The following ULK4 variants were observed in gnomAD, a reference collection of about 807,000 sequenced individuals.
The protein encoded by ULK4 is unc-51 like kinase 4.
A neutral mutation model predicts 160.6 loss-of-function variants in ULK4; 133 were observed. The observed-to-expected ratio is 0.83, with a 90% CI of 0.72 to 0.96. The LOEUF (loss-of-function observed/expected upper bound fraction) is 0.96, where lower values mean the gene tolerates loss of function less well. Ranked by LOEUF, ULK4 falls within the 40% of genes least tolerant of loss-of-function variation. The probability of loss-of-function intolerance (pLI) is 0.00; values close to 1 mark genes in which losing one functional copy is unlikely to be tolerated. For missense variants in ULK4, 1,580 were observed against 1,499.5 expected (o/e 1.05, Z -0.89); for synonymous variants, 534 against 539.8 (o/e 0.99, Z 0.15).
intron 18 of ULK4, among the ~76,000 whole-genome samples, chr3:41,824,163 T>TAA (rs78604753): frequency 0.014 from 1,596 of 117,752 alleles, 46 homozygotes; most frequent in African/African-American, 0.052. Context: ...ACTCTATCTT[T>TAA]AAAAAAAAAA....
At chr3:41,613,705 T>C (rs1035987523) in intron 31 of ULK4, among the ~76,000 whole-genome samples, 3 of 152,336 alleles carry the variant, frequency 2.0e-5, no homozygotes, top group East Asian at 1.9e-4. Context: ...AAAAGTAGAA[T>C]AGGAATTTAA....
chr3:41,265,412 T>C (rs1204611815), intron 35 of ULK4, among the ~76,000 whole-genome samples: 2 of 152,184 alleles, frequency 1.3e-5, no homozygotes, highest in Admixed American at 6.5e-5. Flanking sequence ...ATTTGCTCTG[T>C]CCTCCAGACT....
chr3:41,571,144 T>C (rs2125611925), intron 31 of ULK4, among the ~76,000 whole-genome samples: 1 of 152,372 alleles, frequency 6.6e-6, no homozygotes, highest in Admixed American at 6.5e-5. Context: ...GTGAGGGCTT[T>C]ATAAAAATTA....
chr3:41,417,208 C>G (rs1204210723), intron 34 of ULK4, among the ~76,000 whole-genome samples: 7 of 152,132 alleles, frequency 4.6e-5, no homozygotes, highest in Admixed American at 4.6e-4. Context: ...CCAGAGGCAT[C>G]AGACTTAGAC....
At chr3:41,771,184 A>G (rs959170202) in intron 21 of ULK4, among the ~76,000 whole-genome samples, 1 of 152,206 alleles carries the variant, frequency 6.6e-6, no homozygotes. Context: ...TGTCAATTAT[A>G]AAATACCACA....
intron 18 of ULK4, among the ~76,000 whole-genome samples, chr3:41,823,743 G>C (rs984833554): frequency 6.6e-6 from 1 of 152,156 alleles, no homozygotes; most frequent in Non-Finnish European, 1.5e-5. Context: ...GTCCTGAAAA[G>C]TTATTTATTT....
intron 34 of ULK4, among the ~76,000 whole-genome samples, chr3:41,423,948 G>A (rs1340394906): frequency 6.6e-6 from 1 of 152,136 alleles, no homozygotes; most frequent in Non-Finnish European, 1.5e-5. Context: ...GATTTTCAGT[G>A]GCCACTCGGC....
At chr3:41,565,531 G>A (rs145992704) in intron 32 of ULK4, among the ~76,000 whole-genome samples, 35 of 152,230 alleles carry the variant, frequency 2.3e-4, no homozygotes, top group Non-Finnish European at 4.4e-4. Flanking sequence ...TTCATAAGAG[G>A]AGGAAAAGAA....
chr3:41,405,210 A>G (rs1417324634), intron 34 of ULK4, among the ~76,000 whole-genome samples: 1 of 152,106 alleles, frequency 6.6e-6, no homozygotes, highest in African/African-American at 2.4e-5. Flanking sequence ...GCTCCCATTT[A>G]TAAGTGAGAG....
intron 32 of ULK4, among the ~76,000 whole-genome samples, chr3:41,542,691 T>C (rs1015423562): frequency 1.2e-4 from 18 of 152,294 alleles, no homozygotes; most frequent in Admixed American, 3.9e-4. Flanking sequence ...ATTGCCTCAA[T>C]TTCAGAACTT....
intron 34 of ULK4, among the ~76,000 whole-genome samples, chr3:41,406,781 T>C (rs2082300960): frequency 6.6e-6 from 1 of 152,200 alleles, no homozygotes; most frequent in Non-Finnish European, 1.5e-5. Context: ...TTCCCTGGCA[T>C]AACAGGGAAG....
At chr3:41,824,163 TAAAAAAA>T (rs78604753) in intron 18 of ULK4, among the ~76,000 whole-genome samples, 30 of 117,812 alleles carry the variant, frequency 2.5e-4, no homozygotes, top group African/African-American at 9.2e-4. Flanking sequence ...ACTCTATCTT[TAAAAAAA>T]AAAAAAAAAA....
Position 41,957,963 on chromosome 3 carries a change from G to C in ULK4, c.-48-3156C>G, listed in dbSNP as rs1216021975. ...GGAGACTGAGGCAGGAGGATAGCTTGAACCCGGGAGGCAGAGGTTGCAGTG... is the reference window on the plus strand; with the variant it reads ...GGAGACTGAGGCAGGAGGATAGCTTCAACCCGGGAGGCAGAGGTTGCAGTG... On this transcript the variant is annotated intron_variant, in intron 1 of 36. Transcript: ENST00000301831. Among the ~76,000 whole-genome samples the C allele has an allele frequency of 2.7e-5, 4 of 150,768 alleles. No individual in the cohort carries two copies. The Admixed American group carries it at 2.7e-4, about 10-fold the overall frequency.
At chr3:41,404,577 G>A (rs28781325) in intron 34 of ULK4, among the ~76,000 whole-genome samples, 5 of 151,970 alleles carry the variant, frequency 3.3e-5, no homozygotes, top group Non-Finnish European at 7.4e-5. Context: ...ATTAACCCCC[G>A]AGTTCAACAG....
rs2081507722 is a variant in ULK4 at position 41,376,769 on chromosome 3, G to T, written c.3678+21310C>A. 1.3e-5 allele frequency among the ~76,000 whole-genome samples: 2 copies of T among 150,140 alleles called. 1 individual carries two copies. Among genetic ancestry groups the T allele is most frequent in the South Asian group, 4.4e-4 (2 of 4,586 alleles). On this transcript the variant is annotated intron_variant, in intron 35 of 36. Coordinates refer to ENST00000301831, the MANE Select transcript of ULK4 (RefSeq NM_017886.4). ...AACACTCCATGTTCATGGGAAGGAA[G>T]AATCAATATCGTAAAAATGGCCATA...
chr3:41,854,020 C>T (rs560386725), intron 17 of ULK4: 53 of 152,338 alleles, frequency 3.5e-4, no homozygotes, highest in African/African-American at 1.3e-3. Context: ...TTCCCTCCCT[C>T]GAAGTGCCTG....
At chr3:41,760,830 T>C (rs1559532890) in intron 21 of ULK4, among the ~76,000 whole-genome samples, 4 of 152,096 alleles carry the variant, frequency 2.6e-5, no homozygotes, top group Admixed American at 2.6e-4. Context: ...TAATCTGCAG[T>C]CAAAAACCAA....
intron 32 of ULK4, among the ~76,000 whole-genome samples, chr3:41,487,292 T>C (rs569206596): frequency 2.6e-5 from 4 of 152,202 alleles, no homozygotes; most frequent in Admixed American, 6.5e-5. Context: ...ATAATTAATA[T>C]TGGTGATCAA....
At chr3:41,645,062 C>T (rs1299988637) in intron 30 of ULK4, among the ~76,000 whole-genome samples, 1 of 150,460 alleles carries the variant, frequency 6.6e-6, no homozygotes, top group Non-Finnish European at 1.5e-5. Context: ...TTTTTTATTG[C>T]ATCTATTTGA....
Sources: allele counts gnomAD v4.1 joint callset (sites outside exome capture counted in the v4.1 genomes callset), GRCh38; gene constraint gnomAD v4.1.1; transcripts MANE v1.5; gene names NCBI Gene and HGNC (gene_info 2026-07-23, HGNC 2026-07-21).